Variants in ANKFY1 observed in about 807,000 individuals in gnomAD.
ANKFY1 encodes the protein ankyrin repeat and FYVE domain-containing protein 1.
ANKFY1 carries 47 observed loss-of-function variants against 128.3 expected under a neutral mutation model. The observed-to-expected ratio is 0.37, with a 90% CI of 0.29 to 0.47. The LOEUF (loss-of-function observed/expected upper bound fraction) is 0.47. Ranked by LOEUF, ANKFY1 falls within the 20% of genes least tolerant of loss-of-function variation. The probability of loss-of-function intolerance (pLI) is 1.00; values close to 1 mark genes in which losing one functional copy is unlikely to be tolerated. For synonymous variants in ANKFY1, 553 were observed against 601.6 expected (o/e 0.92, Z 1.18); for missense variants, 1,222 against 1,510.6 (o/e 0.81, Z 3.17).
intron 1 of ANKFY1, among the ~76,000 whole-genome samples, chr17:4,258,314 A>G (rs1457750491): frequency 1.3e-5 from 2 of 152,178 alleles, no homozygotes; most frequent in Non-Finnish European, 2.9e-5. Context: ...TCACGAGGTC[A>G]GGAGATCAAG....
intron 4 of ANKFY1, 50 bp downstream of exon 4, chr17:4,216,933 A>T: frequency 1.2e-6 from 2 of 1,611,960 alleles, no homozygotes; most frequent in Non-Finnish European, 1.7e-6. Flanking sequence ...GCATAATTAA[A>T]GCTCAGCCAC....
At chr17:4,205,154 C>T (rs1299414475) in intron 7 of ANKFY1, among the ~76,000 whole-genome samples, 2 of 152,008 alleles carry the variant, frequency 1.3e-5, no homozygotes, top group Admixed American at 6.6e-5. Context: ...TAAGATGGAA[C>T]GAAACAAGTA....
intron 3 of ANKFY1, among the ~76,000 whole-genome samples, chr17:4,219,225 A>T (rs2060269507): frequency 6.6e-6 from 1 of 152,224 alleles, no homozygotes; most frequent in South Asian, 2.1e-4. Context: ...AAATATCTAA[A>T]CTATTATTTC....
Position 4,177,110 on chromosome 17 carries a change from C to A in ANKFY1, c.2775+16G>T. 6.4e-7 allele frequency: 1 copy of A among 1,569,596 alleles called. No homozygotes were observed. Among genetic ancestry groups the A allele is most frequent in the South Asian group, 1.2e-5 (1 of 82,822 alleles). ...TGACAACATATTATTACATGCAATA[C>A]TTCTGTGTCACTTACCAAATTGCGG... is the stretch of plus-strand genomic sequence containing the variant. On this transcript the variant is annotated intron_variant, in intron 19 of 24. Coordinates refer to ENST00000341657, the MANE Select transcript of ANKFY1 (RefSeq NM_001330063.2).
intron 1 of ANKFY1, among the ~76,000 whole-genome samples, chr17:4,243,059 G>A (rs898044918): frequency 6.6e-6 from 1 of 151,688 alleles, no homozygotes; most frequent in Non-Finnish European, 1.5e-5. Context: ...CTCTTTTTTT[G>A]TTTTTTGTTT....
At chr17:4,245,004 C>G (rs546743636) in intron 1 of ANKFY1, among the ~76,000 whole-genome samples, 1 of 152,236 alleles carries the variant, frequency 6.6e-6, no homozygotes, top group East Asian at 1.9e-4. Flanking sequence ...CTTGAAACTC[C>G]TCTCACCTAT....
In ANKFY1 at chr17:4,172,737, A is replaced by C. The variant is rs534261049; in HGVS notation, c.3015-57T>G. 2.0e-5 allele frequency: 32 copies of C among 1,593,568 alleles called. No individual in the cohort carries two copies. The African/African-American group carries it at 4.2e-4, about 21-fold the overall frequency. Reference sequence around the variant, plus strand: ...TATCTGCCATGGCCATCACACACAAAATAAATAGAATTTTCTGAACTCTGT... The same window carrying C: ...TATCTGCCATGGCCATCACACACAACATAAATAGAATTTTCTGAACTCTGT... On this transcript the variant is annotated intron_variant, in intron 21 of 24. Coordinates refer to ENST00000341657, the MANE Select transcript of ANKFY1 (RefSeq NM_001330063.2).
At chr17:4,185,482 C>T (rs1333219300) in intron 11 of ANKFY1, among the ~76,000 whole-genome samples, 1 of 152,092 alleles carries the variant, frequency 6.6e-6, no homozygotes, top group African/African-American at 2.4e-5. Context: ...GGATTACAAG[C>T]GTGAGCCACC....
At chr17:4,214,615 TC>T (rs1394327283) in intron 4 of ANKFY1, among the ~76,000 whole-genome samples, 1 of 146,798 alleles carries the variant, frequency 6.8e-6, no homozygotes, top group Non-Finnish European at 1.5e-5. Flanking sequence ...AACCTCCACC[TC>T]CCAGGTTCAA....
chr17:4,252,129 G>A (rs971968118), intron 1 of ANKFY1, among the ~76,000 whole-genome samples: 5 of 151,482 alleles, frequency 3.3e-5, no homozygotes, highest in Admixed American at 3.3e-4. Context: ...AAAAACTGGA[G>A]AGTTCACCAA....
At chr17:4,185,082 A>C in intron 11 of ANKFY1, 36 bp from the exon 12 acceptor site, 2 of 1,579,704 alleles carry the variant, frequency 1.3e-6, no homozygotes, top group Non-Finnish European at 1.7e-6. Context: ...CTGAGCACTC[A>C]CAGGAATTCC....
At chr17:4,235,001 T>C (rs549314171) in intron 3 of ANKFY1, among the ~76,000 whole-genome samples, 17 of 152,286 alleles carry the variant, frequency 1.1e-4, no homozygotes, top group South Asian at 1.0e-3. Flanking sequence ...AGAAAGAATA[T>C]TGTTATTCTT....
At chr17:4,174,109 C>T (rs1301356669) in intron 19 of ANKFY1, 53 bp from the exon 20 acceptor site, 5 of 1,591,110 alleles carry the variant, frequency 3.1e-6, no homozygotes, top group African/African-American at 1.3e-5. Flanking sequence ...ATCAAGATCC[C>T]CCTTATGGGG....
At chr17:4,231,147 A>G (rs983955495) in intron 3 of ANKFY1, among the ~76,000 whole-genome samples, 5 of 152,182 alleles carry the variant, frequency 3.3e-5, no homozygotes, top group Non-Finnish European at 4.4e-5. Flanking sequence ...ATGTCCCTCA[A>G]TTTGGGTCTG....
intron 1 of ANKFY1, among the ~76,000 whole-genome samples, chr17:4,256,318 C>T (rs891075789): frequency 3.3e-5 from 5 of 152,114 alleles, no homozygotes; most frequent in Admixed American, 1.3e-4. Flanking sequence ...GTCCCAGCTA[C>T]TCAGGAGGCG....
chr17:4,242,088 CAAAAA>C (rs34447049), intron 2 of ANKFY1, among the ~76,000 whole-genome samples, 163 bp downstream of exon 2: 1 of 132,396 alleles, frequency 7.6e-6, no homozygotes, highest in Non-Finnish European at 1.6e-5. Flanking sequence ...GACTCCAACT[CAAAAA>C]AAAAAAAAAA....
rs1337405317 is a variant in ANKFY1, at chr17:4,242,362, G to A, written c.97C>T (p.Arg33Cys). The A allele has an allele frequency of 1.6e-5, 26 of 1,604,128 alleles. No individual in the cohort carries two copies. The highest frequency in any genetic ancestry group is 2.0e-5 in the Non-Finnish European group (24 of 1,176,338). ...LQKKLAETEK[R>C]CALLAAQANK... ...GCCTGCGCAGCCAAGAGAGCGCAGC[G>A]CTTCTCTGTCTCCGCCAGCTTCTTC... Residue 33 changes from arginine (R) to cysteine (C), a missense_variant, in exon 2 of 25, where the codon CGC becomes TGC. By Grantham distance (180) the Arg-to-Cys change is radical. Coordinates refer to ENST00000341657, the MANE Select transcript of ANKFY1 (RefSeq NM_001330063.2).
rs187274727 is a variant in ANKFY1, at chr17:4,181,349, T to G, written c.2145A>C (p.Thr715=). 3.7e-5 allele frequency: 60 copies of G among 1,614,172 alleles called. No homozygotes were observed. The African/African-American group carries it at 7.3e-4, about 20-fold the overall frequency. The change falls in exon 16 of 25, where the codon ACA becomes ACC. Residue 715 remains threonine, a synonymous_variant. Transcript: ENST00000341657. This position sits in a 1 kb window ranked among gnomAD's most constrained non-coding sequence, Gnocchi z 4.9. ...ACCCACCAGGTCCCGGACCCCAGCA[T>G]GTGGCATCACAGCCATGTCTGACCT... ...STLVRHGCDA[T]CWGPGPGGCL...
chr17:4,253,949 T>A lies in ANKFY1; in HGVS notation c.10+9983A>T, dbSNP rs113886169. On this transcript the variant is annotated intron_variant, in intron 1 of 24. Coordinates refer to ENST00000341657, the MANE Select transcript of ANKFY1 (RefSeq NM_001330063.2). ...CTTATATGACAACAACAACAACAAC[T>A]AAGTGTCTCTGCATTGACCAAAACA... Among the ~76,000 whole-genome samples the A allele has an allele frequency of 4.8e-3, 723 of 152,210 alleles. 4 individuals are homozygous for A. Among genetic ancestry groups the A allele is most frequent in the African/African-American group, 0.017 (687 of 41,532 alleles).
Sources: allele counts gnomAD v4.1 joint callset (sites outside exome capture counted in the v4.1 genomes callset), GRCh38; gene constraint gnomAD v4.1.1; non-coding constraint Gnocchi (gnomAD v3.1); transcripts MANE v1.5; gene names NCBI Gene and HGNC (gene_info 2026-07-23, HGNC 2026-07-21).